Variants in NHSL1 observed in about 807,000 individuals in gnomAD.
NHSL1 encodes NHS like 1, also known as NHS-like protein 1.
A neutral mutation model predicts 95.0 loss-of-function variants in NHSL1; 48 were observed. The observed-to-expected ratio is 0.51, with a 90% CI of 0.40 to 0.64. The LOEUF is 0.64. Ranked by LOEUF, NHSL1 falls within the 30% of genes least tolerant of loss-of-function variation. The probability of loss-of-function intolerance (pLI) is 0.00; values close to 1 mark genes in which losing one functional copy is unlikely to be tolerated. For missense variants in NHSL1, 1,971 were observed against 2,077.7 expected, an observed-to-expected ratio of 0.95 and a Z score of 1.00; for synonymous variants, 783 against 833.9, an observed-to-expected ratio of 0.94 and a Z score of 1.05.
At chr6:138,551,928 CTT>C (rs1319681678) in intron 1 of NHSL1, among the ~76,000 whole-genome samples, 1 of 152,200 alleles carries the variant, frequency 6.6e-6, no homozygotes, top group Non-Finnish European at 1.5e-5. Context: ...CCTTCATCCT[CTT>C]TGCATTTTCT....
At chr6:138,456,910 C>T (rs1466559936) in intron 3 of NHSL1, among the ~76,000 whole-genome samples, 1 of 150,388 alleles carries the variant, frequency 6.6e-6, no homozygotes, top group East Asian at 1.9e-4. Context: ...GATGGAGTCT[C>T]ACTTACTCTG....
intron 1 of NHSL1, among the ~76,000 whole-genome samples, chr6:138,496,700 A>C (rs947941524): frequency 6.6e-6 from 1 of 152,150 alleles, no homozygotes; most frequent in Non-Finnish European, 1.5e-5. Context: ...TCCAATTCCT[A>C]CTTAACCCCC....
At chr6:138,632,390 G>T (rs1462382713) in intron 1 of NHSL1, among the ~76,000 whole-genome samples, 1 of 152,188 alleles carries the variant, frequency 6.6e-6, no homozygotes, top group Non-Finnish European at 1.5e-5. Context: ...GGTAGCCAGA[G>T]AGTAGTTACA....
rs1026291568 is a variant in NHSL1 at position 138,479,044 on chromosome 6, T to C, written c.212-5611A>G. Among the ~76,000 whole-genome samples, 15 of 152,328 alleles carry C rather than the reference T, an allele frequency of 9.8e-5. No individual in the cohort carries two copies. In the East Asian group the frequency reaches 2.9e-3, roughly 29 times the overall value. The stretch of plus-strand genomic sequence containing the variant: ...TTTAGTCATTCAATTTTTAATATAG[T>C]AGTCCCTGACTTATACTCAGGGTAT... On this transcript the variant is annotated intron_variant, in intron 2 of 7. Transcript: ENST00000343505.
intron 1 of NHSL1, among the ~76,000 whole-genome samples, chr6:138,533,844 C>T (rs927528137): frequency 1.8e-4 from 27 of 152,294 alleles, no homozygotes; most frequent in South Asian, 6.2e-4. Context: ...ATTTTCCAGA[C>T]GGTGACCTGC....
intron 1 of NHSL1, among the ~76,000 whole-genome samples, chr6:138,585,255 C>T (rs1056458654): frequency 1.3e-5 from 2 of 152,050 alleles, no homozygotes; most frequent in East Asian, 3.9e-4. Flanking sequence ...AGTCAGATTC[C>T]CATCAGGAAA....
intron 1 of NHSL1, among the ~76,000 whole-genome samples, chr6:138,589,533 G>A (rs907968698): frequency 6.6e-6 from 1 of 152,068 alleles, no homozygotes; most frequent in Non-Finnish European, 1.5e-5. Context: ...GCAGAGACTC[G>A]CCTGCCCCTC....
chr6:138,440,261 C>T (rs759252248), intron 5 of NHSL1, among the ~76,000 whole-genome samples: 3 of 152,040 alleles, frequency 2.0e-5, no homozygotes, highest in East Asian at 1.9e-4. Context: ...GATTAGTTTC[C>T]GAATTAGTTA....
chr6:138,513,026 G>A (rs921074098), intron 1 of NHSL1, among the ~76,000 whole-genome samples: 3 of 152,028 alleles, frequency 2.0e-5, no homozygotes, highest in African/African-American at 4.8e-5. Flanking sequence ...TTTAAAATTC[G>A]TACTTGATGT....
chr6:138,447,234 G>A lies in NHSL1; in HGVS notation c.340-41C>T, dbSNP rs1284814313. ...AAGCAGCAGCCACAGTGTATAAAGAGCTGGCAGAAACATTTTAAAATATAT... is the reference window on the plus strand; with the variant it reads ...AAGCAGCAGCCACAGTGTATAAAGAACTGGCAGAAACATTTTAAAATATAT... On this transcript the variant is annotated intron_variant, in intron 3 of 7. Coordinates refer to ENST00000343505, the MANE Select transcript of NHSL1 (RefSeq NM_001144060.2). The A allele has an allele frequency of 2.8e-6, 4 of 1,448,270 alleles. No individual in the cohort carries two copies. The Admixed American group carries it at 7.1e-5, about 26-fold the overall frequency. The allele number at this position is 1,448,270 out of a possible 1,614,324, so 89.7% of individuals were successfully genotyped here.
At chr6:138,662,789 G>A (rs1022755477) in intron 1 of NHSL1, among the ~76,000 whole-genome samples, 2 of 151,648 alleles carry the variant, frequency 1.3e-5, no homozygotes, top group African/African-American at 2.4e-5. Flanking sequence ...TCAAGACTTA[G>A]GGGAAAAAAA....
chr6:138,522,306 G>C (rs1019538203), intron 1 of NHSL1, among the ~76,000 whole-genome samples: 1 of 152,190 alleles, frequency 6.6e-6, no homozygotes, highest in Non-Finnish European at 1.5e-5. Context: ...TTCAAAGAAT[G>C]TTTGGAGCCT....
At position 138,423,537 on chromosome 6, in the gene NHSL1, A is replaced by C. The variant is rs1434803079; in HGVS notation, c.*544T>G. On this transcript the variant is annotated 3_prime_UTR_variant, in exon 8 of 8. Transcript: ENST00000343505. Reference sequence around the variant, plus strand: ...ACCAGACCTGCCTCACCTCAGCAGCACACGTGTGCATATATCTGTGTGTTC... The same window carrying C: ...ACCAGACCTGCCTCACCTCAGCAGCCCACGTGTGCATATATCTGTGTGTTC... 1 of 152,256 alleles carries C rather than the reference A, an allele frequency of 6.6e-6. No homozygotes were observed. The highest frequency in any genetic ancestry group is 6.5e-5 in the Admixed American group (1 of 15,272). 9.4% of individuals were successfully genotyped at this position (152,256 alleles called of 1,614,324 possible). A position where few individuals can be genotyped will look rare whatever the true frequency, so the allele number is the denominator to read the frequency against.
At chr6:138,520,130 A>G (rs1264331332) in intron 1 of NHSL1, among the ~76,000 whole-genome samples, 1 of 151,940 alleles carries the variant, frequency 6.6e-6, no homozygotes, top group African/African-American at 2.4e-5. Flanking sequence ...AAGGCAAAAC[A>G]GATTGTTTTA....
At chr6:138,545,571 A>T (rs1458255896) in intron 1 of NHSL1, 2 of 1,220,346 alleles carry the variant, frequency 1.6e-6, no homozygotes, top group Non-Finnish European at 2.2e-6. Flanking sequence ...GCTAAATGAC[A>T]ATCTTCCCCA....
chr6:138,478,600 C>G (rs540371155), intron 2 of NHSL1, among the ~76,000 whole-genome samples: 167 of 152,254 alleles, frequency 1.1e-3, no homozygotes, highest in Non-Finnish European at 1.7e-3. Flanking sequence ...TAAGCAAAGA[C>G]TTTTTAAACA....
At chr6:138,626,020 G>A (rs1252880645) in intron 1 of NHSL1, among the ~76,000 whole-genome samples, 1 of 152,154 alleles carries the variant, frequency 6.6e-6, no homozygotes, top group Non-Finnish European at 1.5e-5. Flanking sequence ...TTTTTCTTCT[G>A]CCTTCAGTCC....
intron 1 of NHSL1, among the ~76,000 whole-genome samples, chr6:138,595,962 C>G (rs1335724053): frequency 1.3e-5 from 2 of 152,132 alleles, no homozygotes; most frequent in African/African-American, 4.8e-5. Flanking sequence ...GTCTCTTCCT[C>G]TCCAACACTG....
chr6:138,451,032 C>T (rs558162090), intron 3 of NHSL1, among the ~76,000 whole-genome samples: 1 of 152,134 alleles, frequency 6.6e-6, no homozygotes, highest in Non-Finnish European at 1.5e-5. Context: ...ATACAGCAGG[C>T]GAAGGAATCC....
Sources: gnomAD v4.1 joint callset for allele counts (sites outside exome capture counted in the v4.1 genomes callset) on GRCh38, gnomAD v4.1.1 for gene constraint, MANE v1.5 for transcripts, NCBI Gene and HGNC (gene_info 2026-07-23, HGNC 2026-07-21) for gene names.